PCDHGA7: variants seen among roughly 807,000 people sequenced by gnomAD.
PCDHGA7 encodes the protein protocadherin gamma subfamily A, 7.
PCDHGA7 carries 44 observed loss-of-function variants against 58.3 expected under a neutral mutation model. The observed-to-expected ratio is 0.75, with a 90% CI of 0.59 to 0.97. PCDHGA7 has a LOEUF of 0.97. Ranked by LOEUF, PCDHGA7 falls within the 50% of genes least tolerant of loss-of-function variation. The pLI, the probability that PCDHGA7 is intolerant of heterozygous loss-of-function variation, is 0.00. For missense variants in PCDHGA7, 1,266 were observed against 1,188.7 expected (o/e 1.06, Z -0.96); for synonymous variants, 516 against 504.2 (o/e 1.02, Z -0.31).
intron 1 of PCDHGA7, chr5:141,389,310 G>A: frequency 6.2e-7 from 1 of 1,614,018 alleles, no homozygotes; most frequent in Non-Finnish European, 8.5e-7. Context: ...CAGGGCTTCT[G>A]ATCCGGACTT....
intron 1 of PCDHGA7, among the ~76,000 whole-genome samples, chr5:141,447,749 T>G (rs1462661604): frequency 6.6e-6 from 1 of 152,196 alleles, no homozygotes; most frequent in Non-Finnish European, 1.5e-5. Context: ...GAGTCTTGCA[T>G]GTGACTGTAT....
intron 1 of PCDHGA7, chr5:141,405,207 C>A (rs767001796): frequency 6.2e-7 from 1 of 1,613,292 alleles, no homozygotes; most frequent in Non-Finnish European, 8.5e-7. Flanking sequence ...TTCCTACAGA[C>A]CTATTCTCAG....
rs772195653 is a variant in PCDHGA7 at position 141,477,704 on chromosome 5, C to A, written c.2425-17103C>A. On this transcript the variant is annotated intron_variant, in intron 1 of 3. Transcript: ENST00000518325. The surrounding 1 kb of genome is among the most constrained non-coding windows in gnomAD (Gnocchi z 4.9). ...CTTAGTGCCCCTAGACTATGAGGAT[C>A]GGCGGGAATTTGAATTAACAGCTCA... The A allele has an allele frequency of 5.0e-6, 8 of 1,613,850 alleles. No individual in the cohort carries two copies. Among genetic ancestry groups the A allele is most frequent in the Non-Finnish European group, 5.9e-6 (7 of 1,180,046 alleles).
intron 1 of PCDHGA7, chr5:141,433,186 G>A (rs753657435): frequency 1.4e-5 from 23 of 1,601,378 alleles, no homozygotes; most frequent in Non-Finnish European, 1.9e-5. Context: ...TAATTGAGGT[G>A]AGTTTATATC....
Position 141,384,848 on chromosome 5 carries a change from G to A in PCDHGA7, c.1949G>A (p.Gly650Asp). The A allele has an allele frequency of 6.2e-7, 1 of 1,613,600 alleles. No homozygotes were observed. The highest frequency in any genetic ancestry group is 8.5e-7 in the Non-Finnish European group (1 of 1,179,922). The change falls in exon 1 of 4, where the codon GGT becomes GAT. Residue 650 changes from glycine (G) to aspartate (D), a missense_variant. Transcript: ENST00000518325. ...QSLVVAVQDHGQPPLSATVTL... is the reference protein window; with the variant it reads ...QSLVVAVQDHDQPPLSATVTL... The stretch of plus-strand genomic sequence containing the variant: ...CTCGTGGTGGCCGTCCAGGACCACG[G>A]TCAGCCTCCTCTGTCAGCCACCGTC...
At position 141,457,403 on chromosome 5, in the gene PCDHGA7, C is replaced by A. The variant is rs550748216; in HGVS notation, c.2425-37404C>A. On this transcript the variant is annotated intron_variant, in intron 1 of 3. Transcript: ENST00000518325. ...GAACTAGCATATTGATTCACATTTT[C>A]ACATTACCCATCCCTTTTTCCCCCC... Among the ~76,000 whole-genome samples, 4 of 152,328 alleles carry A rather than the reference C, an allele frequency of 2.6e-5. No homozygotes were observed. In the East Asian group the frequency reaches 7.7e-4, roughly 29 times the overall value.
intron 1 of PCDHGA7, chr5:141,415,215 C>A: frequency 6.2e-7 from 1 of 1,614,106 alleles, no homozygotes; most frequent in South Asian, 1.1e-5. Flanking sequence ...CGGACCTCGG[C>A]AGCTTCGAGT....
Position 141,419,433 on chromosome 5 carries a change from T to C in PCDHGA7, c.2424+34110T>C, listed in dbSNP as rs1333004780. 11 of 1,613,246 alleles carry C rather than the reference T, an allele frequency of 6.8e-6. No individual in the cohort carries two copies. The highest frequency in any genetic ancestry group is 9.3e-6 in the Non-Finnish European group (11 of 1,179,828). On this transcript the variant is annotated intron_variant, in intron 1 of 3. Coordinates refer to ENST00000518325, the MANE Select transcript of PCDHGA7 (RefSeq NM_018920.4). ...CAGCGCGCCTTCGACCACGAGCAGC[T>C]GCGCACCTTCGAGCTCACGCTGCAG... is the stretch of plus-strand genomic sequence containing the variant.
intron 1 of PCDHGA7, chr5:141,415,449 C>G: frequency 6.2e-7 from 1 of 1,614,182 alleles, no homozygotes; most frequent in Admixed American, 1.7e-5. Context: ...AGACCTATTC[C>G]CACGAGGTCT....
chr5:141,475,928 G>A, intron 1 of PCDHGA7: 1 of 630,590 alleles, frequency 1.6e-6, no homozygotes, highest in Non-Finnish European at 2.7e-6. Context: ...TGGAGATCGG[G>A]CCCCTGCCCG....
intron 2 of PCDHGA7, among the ~76,000 whole-genome samples, chr5:141,496,352 G>A (rs2099768243): frequency 2.0e-5 from 3 of 152,200 alleles, no homozygotes; most frequent in South Asian, 2.1e-4. Context: ...GAGTCTCAGA[G>A]CCCAGGGAGA....
chr5:141,476,733 G>C lies in PCDHGA7; in HGVS notation c.2425-18074G>C, dbSNP rs373439335. On this transcript the variant is annotated intron_variant, in intron 1 of 3. Transcript: ENST00000518325. This position sits in a 1 kb window ranked among gnomAD's most constrained non-coding sequence, Gnocchi z 7.6. ...TTGGAGCGCGCCCTGGACCGAGAAC[G>C]GGAGCCTAGTCTCCAGTTAGTGCTG... 6.2e-6 allele frequency: 10 copies of C among 1,614,062 alleles called. No individual in the cohort carries two copies. The highest frequency in any genetic ancestry group is 2.2e-5 in the East Asian group (1 of 44,870).
chr5:141,437,165 T>A (rs62379162), intron 1 of PCDHGA7, among the ~76,000 whole-genome samples: 3,747 of 152,330 alleles, frequency 0.025, 69 homozygotes, highest in Middle Eastern at 0.085. Context: ...TGTTGATTGT[T>A]TTCTGAGACT....
intron 1 of PCDHGA7, chr5:141,423,251 A>T: frequency 6.2e-7 from 1 of 1,613,844 alleles, no homozygotes; most frequent in East Asian, 2.2e-5. Context: ...GTCCTGGCGG[A>T]CCTCGGCAGC....
At chr5:141,424,726 T>C (rs1041673348) in intron 1 of PCDHGA7, 7 of 152,218 alleles carry the variant, frequency 4.6e-5, no homozygotes, top group African/African-American at 4.8e-5. Context: ...TTGGGAGTCA[T>C]AGATTCCTTC....
Position 141,489,712 on chromosome 5 carries a change from C to T in PCDHGA7, c.2425-5095C>T. On this transcript the variant is annotated intron_variant, in intron 1 of 3. Coordinates refer to ENST00000518325, the MANE Select transcript of PCDHGA7 (RefSeq NM_018920.4). The surrounding 1 kb of genome is among the most constrained non-coding windows in gnomAD (Gnocchi z 4.5). The stretch of plus-strand genomic sequence containing the variant: ...GGCACGATTCCCACTGGACAGTGCC[C>T]AGGATCCGGATGTGGGCACCAATAC... The T allele has an allele frequency of 6.2e-7, 1 of 1,614,162 alleles. No individual in the cohort carries two copies. The highest frequency in any genetic ancestry group is 1.1e-5 in the South Asian group (1 of 91,078).
In PCDHGA7 at chr5:141,477,794, C is replaced by A. The variant is rs148942362; in HGVS notation, c.2425-17013C>A. On this transcript the variant is annotated intron_variant, in intron 1 of 3. Coordinates refer to ENST00000518325, the MANE Select transcript of PCDHGA7 (RefSeq NM_018920.4). This position sits in a 1 kb window ranked among gnomAD's most constrained non-coding sequence, Gnocchi z 4.9. ...CAGCGTGAACATATTTGTCACTGAT[C>A]GCAATGACAATGCCCCCCAGGTCCT... The A allele has an allele frequency of 5.6e-6, 9 of 1,614,086 alleles. No individual in the cohort carries two copies. Among genetic ancestry groups the A allele is most frequent in the Non-Finnish European group, 7.6e-6 (9 of 1,180,030 alleles).
intron 1 of PCDHGA7, chr5:141,388,588 C>T: frequency 6.2e-7 from 1 of 1,613,876 alleles, no homozygotes; most frequent in Non-Finnish European, 8.5e-7. Context: ...GTGACTGATG[C>T]CAATGATAAT....
At chr5:141,446,766 C>T (rs1335326278) in intron 1 of PCDHGA7, among the ~76,000 whole-genome samples, 7 of 152,208 alleles carry the variant, frequency 4.6e-5, no homozygotes, top group East Asian at 3.9e-4. Context: ...CGCGCCCAGC[C>T]GGTTACCATT....
Sources: allele counts gnomAD v4.1 joint callset (sites outside exome capture counted in the v4.1 genomes callset), GRCh38; gene constraint gnomAD v4.1.1; non-coding constraint Gnocchi (gnomAD v3.1); transcripts MANE v1.5; gene names NCBI Gene and HGNC (gene_info 2026-07-23, HGNC 2026-07-21).